Variants in LHFPL3 observed in about 807,000 individuals in gnomAD.
LHFPL3 encodes LHFPL tetraspan subfamily member 3.
LHFPL3 carries 5 observed loss-of-function variants against 19.3 expected under a neutral mutation model. That is an observed-to-expected ratio of 0.26 (90% CI 0.14 to 0.54). The LOEUF is 0.54. Ranked by LOEUF, LHFPL3 falls within the 20% of genes least tolerant of loss-of-function variation. LHFPL3 has a pLI of 0.94. For synonymous variants in LHFPL3, 133 were observed against 126.2 expected (o/e 1.05, Z -0.36); for missense variants, 249 against 307.4 (o/e 0.81, Z 1.42).
At chr7:104,697,864 G>A (rs1793027315) in intron 1 of LHFPL3, among the ~76,000 whole-genome samples, 1 of 152,166 alleles carries the variant, frequency 6.6e-6, no homozygotes, top group African/African-American at 2.4e-5. Context: ...CAAGGGATCT[G>A]GGGGGATGGT....
intron 2 of LHFPL3, among the ~76,000 whole-genome samples, chr7:104,758,577 G>T (rs755402118): frequency 1.3e-5 from 2 of 151,992 alleles, no homozygotes; most frequent in Non-Finnish European, 2.9e-5. Context: ...GTAATTAACT[G>T]GGAGCTTTCT....
intron 2 of LHFPL3, among the ~76,000 whole-genome samples, chr7:104,748,425 T>C (rs369005703): frequency 1.6e-5 from 2 of 126,664 alleles, no homozygotes; most frequent in Non-Finnish European, 3.3e-5. Context: ...GTCTCCTGCC[T>C]GTCCCTGGGC....
chr7:104,780,164 G>T (rs915424946), intron 2 of LHFPL3, among the ~76,000 whole-genome samples: 2 of 152,136 alleles, frequency 1.3e-5, no homozygotes, highest in Non-Finnish European at 2.9e-5. Flanking sequence ...CAAGGATAGG[G>T]CCCCACCCCA....
At chr7:104,418,232 C>G (rs1172468332) in intron 1 of LHFPL3, among the ~76,000 whole-genome samples, 2 of 152,098 alleles carry the variant, frequency 1.3e-5, no homozygotes, top group Non-Finnish European at 2.9e-5. Context: ...ACTTTATTTA[C>G]TCATTGTTTC....
chr7:104,444,666 G>A (rs1792293356), intron 1 of LHFPL3, among the ~76,000 whole-genome samples: 1 of 152,158 alleles, frequency 6.6e-6, no homozygotes, highest in Non-Finnish European at 1.5e-5. Flanking sequence ...TTTAGAAGCT[G>A]ATTTGGGATT....
intron 2 of LHFPL3, among the ~76,000 whole-genome samples, chr7:104,783,126 A>T (rs1448388961): frequency 6.6e-6 from 1 of 152,270 alleles, no homozygotes; most frequent in African/African-American, 2.4e-5. Flanking sequence ...CAGAAATGCT[A>T]GATGTGGGAA....
intron 2 of LHFPL3, among the ~76,000 whole-genome samples, chr7:104,894,186 A>C (rs910291811): frequency 6.6e-6 from 1 of 152,176 alleles, no homozygotes; most frequent in Non-Finnish European, 1.5e-5. Flanking sequence ...TACTACTCAG[A>C]GTCCTAATCA....
chr7:104,670,355 G>A (rs1047935048), intron 1 of LHFPL3, among the ~76,000 whole-genome samples: 1 of 152,108 alleles, frequency 6.6e-6, no homozygotes, highest in Non-Finnish European at 1.5e-5. Context: ...AAGCACTTGG[G>A]GGTCGTGGTA....
At chr7:104,448,221 A>G (rs1291297081) in intron 1 of LHFPL3, among the ~76,000 whole-genome samples, 1 of 152,168 alleles carries the variant, frequency 6.6e-6, no homozygotes, top group African/African-American at 2.4e-5. Flanking sequence ...AGGAGTTTTG[A>G]ATAATGAAAA....
chr7:104,411,495 CA>C (rs138182902), intron 1 of LHFPL3, among the ~76,000 whole-genome samples: 2,337 of 152,196 alleles, frequency 0.015, 52 homozygotes, highest in African/African-American at 0.053. Flanking sequence ...GTCTTTGAAA[CA>C]TACAGGTAAC....
At chr7:104,825,904 T>C (rs1790809284) in intron 2 of LHFPL3, among the ~76,000 whole-genome samples, 2 of 152,000 alleles carry the variant, frequency 1.3e-5, no homozygotes, top group East Asian at 3.9e-4. Flanking sequence ...ACCCGACCAC[T>C]TTTGTTTCTA....
chr7:104,846,584 G>A (rs1307513139), intron 2 of LHFPL3, among the ~76,000 whole-genome samples: 1 of 150,760 alleles, frequency 6.6e-6, no homozygotes, highest in Non-Finnish European at 1.5e-5. Context: ...AAGAGAGAAA[G>A]TAACTTGCCC....
intron 1 of LHFPL3, among the ~76,000 whole-genome samples, chr7:104,401,885 C>A (rs1352674354): frequency 2.6e-5 from 4 of 151,998 alleles, no homozygotes; most frequent in Admixed American, 2.6e-4. Context: ...GAAGAGAAAA[C>A]AGACAATACA....
chr7:104,765,751 G>A (rs751888029), intron 2 of LHFPL3, among the ~76,000 whole-genome samples: 2 of 152,188 alleles, frequency 1.3e-5, no homozygotes, highest in African/African-American at 2.4e-5. Context: ...CCATGATAGA[G>A]GCTAAATTAT....
intron 1 of LHFPL3, among the ~76,000 whole-genome samples, chr7:104,466,229 CA>C (rs1051142620): frequency 1.3e-5 from 2 of 152,006 alleles, no homozygotes; most frequent in Non-Finnish European, 2.9e-5. Context: ...TGAAAGTGTG[CA>C]AAAAAACTAG....
chr7:104,803,691 C>T (rs1414314501), intron 2 of LHFPL3, among the ~76,000 whole-genome samples: 2 of 152,216 alleles, frequency 1.3e-5, no homozygotes, highest in Admixed American at 6.5e-5. Flanking sequence ...TGAGTAGGTA[C>T]ATTTGTGCAG....
At chr7:104,794,309 G>A (rs981568040) in intron 2 of LHFPL3, among the ~76,000 whole-genome samples, 9 of 152,272 alleles carry the variant, frequency 5.9e-5, no homozygotes, top group Admixed American at 1.3e-4. Context: ...AATGCATAGC[G>A]TTGGTATTCC....
At chr7:104,365,500 G>C (rs1381344911) in intron 1 of LHFPL3, among the ~76,000 whole-genome samples, 1 of 151,318 alleles carries the variant, frequency 6.6e-6, no homozygotes, top group East Asian at 2.0e-4. Context: ...GAAAAGCCTC[G>C]GCCGGGCGCG....
At chr7:104,548,650 C>G (rs1425396309) in intron 1 of LHFPL3, among the ~76,000 whole-genome samples, 1 of 152,172 alleles carries the variant, frequency 6.6e-6, no homozygotes, top group Non-Finnish European at 1.5e-5. Flanking sequence ...CTAAGAATCC[C>G]TGTCAAGGAG....
Sources: allele counts gnomAD v4.1 joint callset (sites outside exome capture counted in the v4.1 genomes callset), GRCh38; gene constraint gnomAD v4.1.1; transcripts MANE v1.5; gene names NCBI Gene and HGNC (gene_info 2026-07-23, HGNC 2026-07-21).